Variants in MYO1E observed in about 807,000 individuals in gnomAD.
The protein encoded by MYO1E is unconventional myosin-Ie.
Under a neutral mutation model 151.1 loss-of-function variants are expected in MYO1E, and 68 were observed. That is an observed-to-expected ratio of 0.45 (90% CI 0.37 to 0.55). MYO1E has a LOEUF of 0.55. MYO1E is among the 20% of genes least tolerant of loss of function. MYO1E has a pLI of 0.00. For synonymous variants in MYO1E, 601 were observed against 501.7 expected (o/e 1.20, Z -2.64); for missense variants, 1,363 against 1,389.3 (o/e 0.98, Z 0.30).
chr15:59,310,601 GC>G (rs2080545128), intron 1 of MYO1E, among the ~76,000 whole-genome samples: 1 of 152,164 alleles, frequency 6.6e-6, no homozygotes, highest in South Asian at 2.1e-4. Context: ...TTCGGAAGGA[GC>G]GTGGTCCTGA....
At chr15:59,161,018 G>A (rs190426474) in intron 24 of MYO1E, 55 bp downstream of exon 24, 32 of 1,606,704 alleles carry the variant, frequency 2.0e-5, no homozygotes, top group South Asian at 8.8e-5. Flanking sequence ...GCATTTGCTC[G>A]GGAGACTCGG....
intron 1 of MYO1E, among the ~76,000 whole-genome samples, chr15:59,280,781 G>A (rs1404379101): frequency 7.9e-5 from 12 of 152,040 alleles, no homozygotes; most frequent in African/African-American, 2.7e-4. Flanking sequence ...CATTTACTAA[G>A]GGCCAGGTAC....
intron 4 of MYO1E, among the ~76,000 whole-genome samples, chr15:59,253,806 C>T (rs1871063637): frequency 6.6e-6 from 1 of 151,322 alleles, no homozygotes; most frequent in South Asian, 2.1e-4. Flanking sequence ...TATTAATTTA[C>T]AGAAAATGTA....
intron 2 of MYO1E, among the ~76,000 whole-genome samples, chr15:59,268,720 A>ATTTGTTTTTTTTTTTT (rs2080271356): frequency 2.2e-5 from 1 of 44,906 alleles, no homozygotes; most frequent in African/African-American, 5.8e-5. Context: ...TGACTTTGGT[A>ATTTGTTTTTTTTTTTT]TTTTTTTTTT....
intron 1 of MYO1E, among the ~76,000 whole-genome samples, chr15:59,294,635 C>T (rs780203400): frequency 1.1e-4 from 17 of 152,162 alleles, no homozygotes; most frequent in Non-Finnish European, 1.9e-4. Context: ...GGCTCCCTTG[C>T]CCCTGTCGTT....
intron 1 of MYO1E, among the ~76,000 whole-genome samples, chr15:59,309,748 T>C (rs2080538124): frequency 6.6e-6 from 1 of 152,242 alleles, no homozygotes; most frequent in Admixed American, 6.5e-5. Flanking sequence ...AGGTTGCCCT[T>C]CGGTTTCTTC....
In MYO1E at chr15:59,258,571, CG is replaced by C. The variant is rs559304844; in HGVS notation, c.238-2194del. On this transcript the variant is annotated intron_variant, in intron 3 of 27. Coordinates refer to ENST00000288235, the MANE Select transcript of MYO1E (RefSeq NM_004998.4). ...TCACTGTGCACAGAGAAACATTTAG[CG>C]CTGGGTGTGATGGCTAATGCCTGTA... Among the ~76,000 whole-genome samples, 24 of 152,244 alleles carry C rather than the reference CG, an allele frequency of 1.6e-4. No homozygotes were observed. The East Asian group carries it at 4.6e-3, about 29-fold the overall frequency.
chr15:59,337,042 T>A lies in MYO1E; in HGVS notation c.3+35456A>T, dbSNP rs113746632. On this transcript the variant is annotated intron_variant, in intron 1 of 27. Coordinates refer to ENST00000288235, the MANE Select transcript of MYO1E (RefSeq NM_004998.4). Reference sequence around the variant, plus strand: ...TCCTAGTTTTAAAAAAAAAAATCTATGCTTATATAATACCTCCTTGCAGTT... The same window carrying A: ...TCCTAGTTTTAAAAAAAAAAATCTAAGCTTATATAATACCTCCTTGCAGTT... 7.9e-5 allele frequency among the ~76,000 whole-genome samples: 12 copies of A among 152,210 alleles called. 2 individuals are homozygous for A. Among genetic ancestry groups the A allele is most frequent in the African/African-American group, 2.9e-4 (12 of 41,530 alleles).
chr15:59,268,285 T>A (rs2080268213), intron 2 of MYO1E, among the ~76,000 whole-genome samples: 1 of 152,248 alleles, frequency 6.6e-6, no homozygotes, highest in Non-Finnish European at 1.5e-5. Context: ...TACTCTGTGC[T>A]AATGATAGAA....
chr15:59,224,962 T>C, intron 7 of MYO1E, 139 bp from the exon 8 acceptor site: 2 of 1,160,056 alleles, frequency 1.7e-6, no homozygotes, highest in Non-Finnish European at 2.5e-6. Context: ...CCCCCAAATA[T>C]GTACTTGTAG....
chr15:59,175,804 T>A (rs1752017426), intron 19 of MYO1E, among the ~76,000 whole-genome samples: 1 of 152,194 alleles, frequency 6.6e-6, no homozygotes, highest in African/African-American at 2.4e-5. Flanking sequence ...GGCAAACGAT[T>A]CCCAACTTCC....
intron 13 of MYO1E, among the ~76,000 whole-genome samples, chr15:59,209,888 G>A (rs2079868161): frequency 7.9e-6 from 1 of 126,308 alleles, no homozygotes. Flanking sequence ...AGGCTAGAGT[G>A]CAGTGGCACA....
chr15:59,372,824 A>C lies in MYO1E; in HGVS notation c.-324T>G. On this transcript the variant is annotated 5_prime_UTR_variant, in exon 1 of 28. Coordinates refer to ENST00000288235, the MANE Select transcript of MYO1E (RefSeq NM_004998.4). Reference sequence around the variant, plus strand: ...AGCGTCCGCCTCGCTCCCCTGCCTCACTCCTCTTTCTTCGGCCACTTAATC... The same window carrying C: ...AGCGTCCGCCTCGCTCCCCTGCCTCCCTCCTCTTTCTTCGGCCACTTAATC... The C allele has an allele frequency of 1.6e-5, 7 of 451,138 alleles. No homozygotes were observed. The highest frequency in any genetic ancestry group is 3.3e-5 in the South Asian group (1 of 29,874). 27.9% of individuals were successfully genotyped at this position (451,138 alleles called of 1,614,324 possible).
chr15:59,197,828 T>C (rs1395615610), intron 16 of MYO1E, among the ~76,000 whole-genome samples: 1 of 152,246 alleles, frequency 6.6e-6, no homozygotes. Flanking sequence ...ATCAAAATTA[T>C]CCTGTATTTC....
intron 19 of MYO1E, among the ~76,000 whole-genome samples, chr15:59,174,857 C>G (rs1380863528): frequency 6.6e-6 from 1 of 152,122 alleles, no homozygotes; most frequent in Non-Finnish European, 1.5e-5. Flanking sequence ...TGAGGACTTG[C>G]ATTTGCCCAG....
At chr15:59,176,634 A>AC (rs1247694517) in intron 19 of MYO1E, among the ~76,000 whole-genome samples, 3 of 151,596 alleles carry the variant, frequency 2.0e-5, no homozygotes, top group Non-Finnish European at 1.5e-5. Flanking sequence ...GCTAATTTTA[A>AC]ATTTTTTTGT....
chr15:59,136,797 G>A lies in MYO1E; in HGVS notation c.*583C>T, dbSNP rs762985140. 4.4e-5 allele frequency: 20 copies of A among 455,546 alleles called. No individual in the cohort carries two copies. Among genetic ancestry groups the A allele is most frequent in the South Asian group, 2.9e-4 (19 of 64,534 alleles). 28.2% of individuals were successfully genotyped at this position (455,546 alleles called of 1,614,324 possible). A position where few individuals can be genotyped will look rare whatever the true frequency, so the allele number is the denominator to read the frequency against. On this transcript the variant is annotated 3_prime_UTR_variant, in exon 28 of 28. Transcript: ENST00000288235. ...CCTGACCTGCTTGGCGGCCCTGATGGTCCCGGCAAAGTGTAAACCAGTGCC... is the reference window on the plus strand; with the variant it reads ...CCTGACCTGCTTGGCGGCCCTGATGATCCCGGCAAAGTGTAAACCAGTGCC...
intron 3 of MYO1E, among the ~76,000 whole-genome samples, chr15:59,260,139 G>A (rs1287579895): frequency 6.6e-6 from 1 of 152,214 alleles, no homozygotes; most frequent in Non-Finnish European, 1.5e-5. Flanking sequence ...TAAAAGGGAT[G>A]TGTATACAGC....
chr15:59,228,418 C>T lies in MYO1E; in HGVS notation c.511-828G>A, dbSNP rs185942619. ...CTGGGAGGTGGAGGATGCAGTGAGC[C>T]GAGATCATGCCACTGAACTCCAGCC... On this transcript the variant is annotated intron_variant, in intron 6 of 27. Transcript: ENST00000288235. Among the ~76,000 whole-genome samples, 13 of 151,894 alleles carry T rather than the reference C, an allele frequency of 8.6e-5. No individual in the cohort carries two copies. The East Asian group carries it at 1.7e-3, about 20-fold the overall frequency.
Sources: gnomAD v4.1 joint callset for allele counts (sites outside exome capture counted in the v4.1 genomes callset) on GRCh38, gnomAD v4.1.1 for gene constraint, MANE v1.5 for transcripts, NCBI Gene and HGNC (gene_info 2026-07-23, HGNC 2026-07-21) for gene names.